Variants in PACRG observed in about 807,000 individuals in gnomAD.
The protein encoded by PACRG is parkin coregulated gene protein.
A neutral mutation model predicts 29.7 loss-of-function variants in PACRG; 29 were observed. That is an observed-to-expected ratio of 0.98 (90% CI 0.73 to 1.33). PACRG has a LOEUF of 1.33. Among genes scored for constraint, PACRG ranks in the 40% most tolerant of loss-of-function variants. The pLI is 0.00. For missense variants in PACRG, 279 were observed against 316.2 expected, an observed-to-expected ratio of 0.88 and a Z score of 0.89; for synonymous variants, 116 against 118.7, an observed-to-expected ratio of 0.98 and a Z score of 0.15.
At chr6:163,116,450 T>C (rs73786980) in intron 4 of PACRG, among the ~76,000 whole-genome samples, 3,638 of 152,086 alleles carry the variant, frequency 0.024, 158 homozygotes, top group African/African-American at 0.082. Flanking sequence ...GTCCAAACTG[T>C]ATCAAATGGG....
chr6:162,792,487 C>T (rs1785037105), intron 1 of PACRG, among the ~76,000 whole-genome samples: 1 of 152,144 alleles, frequency 6.6e-6, no homozygotes, highest in Non-Finnish European at 1.5e-5. Context: ...AGAAACCTGG[C>T]TGGCCAGGAT....
At chr6:163,074,120 C>G (rs1228911481) in intron 3 of PACRG, among the ~76,000 whole-genome samples, 1 of 152,118 alleles carries the variant, frequency 6.6e-6, no homozygotes, top group African/African-American at 2.4e-5. Context: ...TATCTGCATT[C>G]GCGTATTTAT....
intron 1 of PACRG, among the ~76,000 whole-genome samples, chr6:162,785,420 T>C (rs1000544213): frequency 6.6e-6 from 1 of 152,150 alleles, no homozygotes; most frequent in Non-Finnish European, 1.5e-5. Flanking sequence ...TCTTTAAACT[T>C]GCAAAGCAAG....
Position 162,947,304 on chromosome 6 carries a change from TATATATA to T in PACRG, c.292-114843_292-114837del, listed in dbSNP as rs1799101952. Among the ~76,000 whole-genome samples the T allele has an allele frequency of 5.4e-5, 3 of 55,066 alleles. 1 individual carries two copies. The highest frequency in any genetic ancestry group is 1.7e-4 in the African/African-American group (3 of 17,316). 36.1% of individuals were successfully genotyped at this position (55,066 alleles called of 152,430 possible). A position where few individuals can be genotyped will look rare whatever the true frequency, so the allele number is the denominator to read the frequency against. On this transcript the variant is annotated intron_variant, in intron 2 of 4. Transcript: ENST00000366888. The stretch of plus-strand genomic sequence containing the variant: ...TATAATCATACATATAATCATATAA[TATATATA>T]ATCATATATAATACATATAATCATA...
intron 2 of PACRG, among the ~76,000 whole-genome samples, chr6:163,017,615 A>G (rs2128217857): frequency 6.6e-6 from 1 of 152,276 alleles, no homozygotes; most frequent in Non-Finnish European, 1.5e-5. Flanking sequence ...AATAGAAAAA[A>G]ATGAAAATAC....
At chr6:163,314,708 A>G (rs1785577421) in intron 4 of PACRG, 119 bp from the exon 5 acceptor site, 1 of 1,140,912 alleles carries the variant, frequency 8.8e-7, no homozygotes, top group Non-Finnish European at 1.2e-6. Context: ...AAGATCGTGT[A>G]AAAATCTTGC....
intron 4 of PACRG, among the ~76,000 whole-genome samples, chr6:163,306,785 T>G (rs1055977593): frequency 6.6e-6 from 1 of 152,234 alleles, no homozygotes; most frequent in Non-Finnish European, 1.5e-5. Context: ...TCTTTTCAGT[T>G]GAAATACAGG....
intron 1 of PACRG, among the ~76,000 whole-genome samples, chr6:162,734,729 G>C (rs1212765329): frequency 6.6e-6 from 1 of 152,170 alleles, no homozygotes; most frequent in African/African-American, 2.4e-5. Context: ...TTAAAGGATA[G>C]AGCAAGGACT....
chr6:163,197,137 G>A (rs1780493176), intron 4 of PACRG, among the ~76,000 whole-genome samples: 2 of 151,882 alleles, frequency 1.3e-5, no homozygotes. Flanking sequence ...TTTCTGCCAG[G>A]AAAAAATACA....
At chr6:162,833,446 G>A (rs937116579) in intron 2 of PACRG, among the ~76,000 whole-genome samples, 3 of 152,150 alleles carry the variant, frequency 2.0e-5, no homozygotes, top group South Asian at 4.2e-4. Flanking sequence ...ACTTGTTTGT[G>A]CAGACTTTTC....
intron 2 of PACRG, among the ~76,000 whole-genome samples, chr6:162,956,711 C>T (rs1304439183): frequency 6.6e-6 from 1 of 152,186 alleles, no homozygotes; most frequent in Non-Finnish European, 1.5e-5. Context: ...ACAGCCCTCC[C>T]CTGGATGTGT....
intron 2 of PACRG, among the ~76,000 whole-genome samples, chr6:162,837,456 A>G (rs1431027293): frequency 1.3e-5 from 2 of 152,138 alleles, no homozygotes; most frequent in African/African-American, 4.8e-5. Flanking sequence ...CTAGTGATCA[A>G]GAGGAGGGAG....
intron 4 of PACRG, among the ~76,000 whole-genome samples, chr6:163,237,050 T>G (rs547550579): frequency 1.6e-4 from 25 of 152,264 alleles, no homozygotes; most frequent in African/African-American, 6.0e-4. Flanking sequence ...TTCCCAACAT[T>G]GGGGATTACA....
intron 1 of PACRG, among the ~76,000 whole-genome samples, chr6:162,736,245 T>TGA (rs772353670): frequency 2.0e-5 from 3 of 152,232 alleles, no homozygotes; most frequent in Non-Finnish European, 2.9e-5. Context: ...AAGATTTCAG[T>TGA]GAGAGCTAAG....
At chr6:162,790,477 G>C (rs1159436065) in intron 1 of PACRG, among the ~76,000 whole-genome samples, 1 of 152,008 alleles carries the variant, frequency 6.6e-6, no homozygotes, top group Non-Finnish European at 1.5e-5. Flanking sequence ...CTCTAATGGA[G>C]TGTTCTATTG....
chr6:163,037,559 C>T (rs1456749838), intron 2 of PACRG, among the ~76,000 whole-genome samples: 2 of 152,254 alleles, frequency 1.3e-5, no homozygotes, highest in Non-Finnish European at 2.9e-5. Context: ...ATCTGCCATC[C>T]TTTCCCTGGC....
At chr6:162,876,850 A>G (rs534704149) in intron 2 of PACRG, among the ~76,000 whole-genome samples, 35 of 152,310 alleles carry the variant, frequency 2.3e-4, no homozygotes, top group Admixed American at 1.7e-3. Flanking sequence ...TAAGTCTTAC[A>G]TTTAAGTCTT....
At chr6:163,113,510 A>G (rs906911547) in intron 4 of PACRG, among the ~76,000 whole-genome samples, 3 of 152,244 alleles carry the variant, frequency 2.0e-5, no homozygotes, top group East Asian at 1.9e-4. Flanking sequence ...AAAAGGACTC[A>G]TCACGTATAC....
intron 4 of PACRG, among the ~76,000 whole-genome samples, chr6:163,224,368 CAAAAAAAAAAAAAAA>C (rs531356479): frequency 4.2e-5 from 2 of 47,280 alleles, no homozygotes; most frequent in African/African-American, 1.3e-4. Context: ...GACTCCATCT[CAAAAAAAAAAAAAAA>C]AAAAAAAAAA....
Sources: allele counts gnomAD v4.1 joint callset (sites outside exome capture counted in the v4.1 genomes callset), GRCh38; gene constraint gnomAD v4.1.1; transcripts MANE v1.5; gene names NCBI Gene and HGNC (gene_info 2026-07-23, HGNC 2026-07-21).